SEC16B: variants seen among roughly 807,000 people sequenced by gnomAD.
The protein encoded by SEC16B is SEC16 homolog B, endoplasmic reticulum export factor, also known as protein transport protein Sec16B.
SEC16B carries 115 observed loss-of-function variants against 141.8 expected under a neutral mutation model. That is an observed-to-expected ratio of 0.81 (90% confidence interval 0.70 to 0.95). The LOEUF is 0.95. Among genes scored for constraint, SEC16B ranks in the 40% least tolerant of loss-of-function variants. The probability of loss-of-function intolerance (pLI) is 0.00; values close to 1 mark genes in which losing one functional copy is unlikely to be tolerated. For missense variants in SEC16B, 1,291 were observed against 1,312.3 expected (o/e 0.98, Z 0.25); for synonymous variants, 493 against 492.5 (o/e 1.00, Z -0.01).
At chr1:177,972,409 G>A (rs1056392277), upstream of SEC16B, among the ~76,000 whole-genome samples, 13 of 152,274 alleles carry the variant, frequency 8.5e-5, no homozygotes, top group South Asian at 2.1e-3. Context: ...GACCCAGTTT[G>A]ACAATACATT....
chr1:177,930,145 G>A (rs1480220199), intron 25 of SEC16B, among the ~76,000 whole-genome samples: 1 of 152,158 alleles, frequency 6.6e-6, no homozygotes, highest in African/African-American at 2.4e-5. Flanking sequence ...GACATTAGCA[G>A]AGCTAAGTCT....
chr1:177,945,815 T>C (rs752645437), intron 14 of SEC16B: 2 of 155,270 alleles, frequency 1.3e-5, no homozygotes, highest in African/African-American at 2.4e-5. Context: ...GATAGAGAGA[T>C]ACAGAACAGG....
upstream of SEC16B, among the ~76,000 whole-genome samples, chr1:177,971,074 T>C (rs10798588): frequency 0.13 from 18,870 of 144,636 alleles, 1,577 homozygotes; most frequent in East Asian, 0.42. Context: ...TGACTGTAGC[T>C]AATGGTTTCT....
intron 19 of SEC16B, among the ~76,000 whole-genome samples, chr1:177,936,992 A>G (rs1293878507): frequency 6.6e-6 from 1 of 152,120 alleles, no homozygotes; most frequent in Non-Finnish European, 1.5e-5. Flanking sequence ...CAGTGGAGAG[A>G]TGGACTGGGC....
At position 177,969,926 on chromosome 1, in the gene SEC16B, G is replaced by A. The variant is rs548408783; in HGVS notation, c.-101C>T. ...CACCTTCCTTCAGCGCTGCTCCAGG[G>A]ACCTGGCCCAAGAGTGCCTCCTCTC... On this transcript the variant is annotated 5_prime_UTR_variant, in exon 1 of 26. Coordinates refer to ENST00000308284, the MANE Select transcript of SEC16B (RefSeq NM_033127.4). The A allele has an allele frequency of 6.6e-6, 1 of 152,348 alleles. No homozygotes were observed. Among genetic ancestry groups the A allele is most frequent in the African/African-American group, 2.4e-5 (1 of 41,532 alleles). 9.4% of individuals were successfully genotyped at this position (152,348 alleles called of 1,614,324 possible).
rs1175243817 is a variant in SEC16B, at chr1:177,929,370, A to C, written c.*488T>G. Reference sequence around the variant, plus strand: ...AAATTATAAAGGGCAGCAATAATCAAGTTTCAGTATAAAAACTTTGCTAAA... The same window carrying C: ...AAATTATAAAGGGCAGCAATAATCACGTTTCAGTATAAAAACTTTGCTAAA... On this transcript the variant is annotated 3_prime_UTR_variant, in exon 26 of 26. Coordinates refer to ENST00000308284, the MANE Select transcript of SEC16B (RefSeq NM_033127.4). 6.4e-6 allele frequency: 1 copy of C among 155,884 alleles called. No individual in the cohort carries two copies. The highest frequency in any genetic ancestry group is 1.4e-5 in the Non-Finnish European group (1 of 69,958). 9.7% of individuals were successfully genotyped at this position (155,884 alleles called of 1,614,324 possible).
upstream of SEC16B, among the ~76,000 whole-genome samples, chr1:177,974,802 C>A (rs904761662): frequency 2.6e-5 from 4 of 152,140 alleles, no homozygotes; most frequent in Non-Finnish European, 5.9e-5. Flanking sequence ...GTGGACTAGA[C>A]AAGAGAGGGT....
Position 177,929,849 on chromosome 1 carries a change from T to C in SEC16B, c.*9A>G. ...TCCTGGGAGATGAGCCTGGGACGTG[T>C]GTTTATTCTCAGCATGGCTGGGTGG... is the stretch of plus-strand genomic sequence containing the variant. On this transcript the variant is annotated 3_prime_UTR_variant, in exon 26 of 26. Coordinates refer to ENST00000308284, the MANE Select transcript of SEC16B (RefSeq NM_033127.4). The C allele has an allele frequency of 6.2e-7, 1 of 1,613,682 alleles. No individual in the cohort carries two copies.
At position 177,932,492 on chromosome 1, in the gene SEC16B, C is replaced by G. The variant is rs1650502897; in HGVS notation, c.3010G>C (p.Glu1004Gln). ...TCCAGCCCAGGGGGGCCGCTTACCT[C>G]TGGTCCAGACAAGCCTCCAACCCCA... The part of the protein sequence containing the change: ...GAGVGGLSGP[E>Q]SVSFELCSNP... Residue 1004 changes from glutamate (E) to glutamine (Q), a missense_variant and splice_region_variant, in exon 24 of 26, where the codon GAG (glutamate) becomes CAG (glutamine). Coordinates refer to ENST00000308284, the MANE Select transcript of SEC16B (RefSeq NM_033127.4). 1 of 1,541,036 alleles carries G rather than the reference C, an allele frequency of 6.5e-7. No individual in the cohort carries two copies. Among genetic ancestry groups the G allele is most frequent in the East Asian group, 2.5e-5 (1 of 40,810 alleles).
chr1:177,936,029 G>A (rs1209588015), intron 20 of SEC16B, among the ~76,000 whole-genome samples: 2 of 152,242 alleles, frequency 1.3e-5, no homozygotes, highest in Non-Finnish European at 2.9e-5. Context: ...GATGTCAGAG[G>A]TAACAGAGAT....
At chr1:177,976,499 G>A (rs933756077) in intron 1 of SEC16B, among the ~76,000 whole-genome samples, 2 of 152,162 alleles carry the variant, frequency 1.3e-5, no homozygotes, top group African/African-American at 2.4e-5. Flanking sequence ...ACAACTTGGT[G>A]GTCCTGGAAT....
rs1324289122 is a variant in SEC16B, at chr1:177,929,665, T to C, written c.*193A>G. 1.3e-5 allele frequency: 8 copies of C among 602,106 alleles called. No homozygotes were observed. Among genetic ancestry groups the C allele is most frequent in the African/African-American group, 3.7e-5 (2 of 53,742 alleles). 37.3% of individuals were successfully genotyped at this position (602,106 alleles called of 1,614,324 possible). A position where few individuals can be genotyped will look rare whatever the true frequency, so the allele number is the denominator to read the frequency against. On this transcript the variant is annotated 3_prime_UTR_variant, in exon 26 of 26. Coordinates refer to ENST00000308284, the MANE Select transcript of SEC16B (RefSeq NM_033127.4). ...GAAATAATTTCCATCATTGTGAAGC[T>C]AATCTTAAGAGACTGAATTGTGCTG...
intron 11 of SEC16B, among the ~76,000 whole-genome samples, chr1:177,953,536 A>T (rs1429412473): frequency 6.6e-6 from 1 of 152,132 alleles, no homozygotes; most frequent in East Asian, 1.9e-4. Flanking sequence ...AGCCTGAAGG[A>T]CTTATTCAGA....
At chr1:177,952,104 T>C in intron 11 of SEC16B, 109 bp from the exon 12 acceptor site, 1 of 890,904 alleles carries the variant, frequency 1.1e-6, no homozygotes, top group African/African-American at 1.7e-5. Context: ...GCAGCTTCCT[T>C]AGGAACATGA....
chr1:177,948,081 A>T (rs1651872704), intron 12 of SEC16B, 139 bp from the exon 13 acceptor site: 2 of 765,926 alleles, frequency 2.6e-6, no homozygotes, highest in Admixed American at 2.4e-5. Context: ...CCATTCATTG[A>T]TTTAGAGCTC....
In SEC16B at chr1:177,949,948, CA is replaced by C. The variant is rs10700670; in HGVS notation, c.1545+1965del. Among the ~76,000 whole-genome samples the C allele has an allele frequency of 1.2e-3, 176 of 148,682 alleles. No individual in the cohort carries two copies. In the East Asian group the frequency reaches 0.017, roughly 14 times the overall value. Reference sequence around the variant, plus strand: ...GGAAATTAAGCTAACTCTACTATTACAAAAAAAAAAAATGAACCATAGCTAA... The same window carrying C: ...GGAAATTAAGCTAACTCTACTATTACAAAAAAAAAAATGAACCATAGCTAA... On this transcript the variant is annotated intron_variant, in intron 12 of 25. Coordinates refer to ENST00000308284, the MANE Select transcript of SEC16B (RefSeq NM_033127.4).
intron 19 of SEC16B, 121 bp downstream of exon 19, chr1:177,937,093 C>T (rs954715696): frequency 1.9e-6 from 2 of 1,070,824 alleles, no homozygotes; most frequent in African/African-American, 3.2e-5. Flanking sequence ...CACATCCACG[C>T]ATCTGTGTCT....
chr1:177,960,058 G>A (rs1021170614), intron 8 of SEC16B: 5 of 409,460 alleles, frequency 1.2e-5, no homozygotes, highest in Middle Eastern at 6.6e-4. Context: ...TCAAGCACAC[G>A]GAATGCTAAA....
At position 177,965,956 on chromosome 1, in the gene SEC16B, C is replaced by G. The variant is rs1243122540; in HGVS notation, c.349G>C (p.Glu117Gln). 1 of 1,598,902 alleles carries G rather than the reference C, an allele frequency of 6.3e-7. No homozygotes were observed. The highest frequency in any genetic ancestry group is 1.3e-5 in the African/African-American group (1 of 74,928). ...YQSYQSPTMR[E>Q]EYAYGSYYYH... ...TAATAACTTCCATAAGCATATTCCT[C>G]CCTCATTGTGGGAGACTGATAGCTC... The change falls in exon 3 of 26, where the codon GAG (glutamate) becomes CAG (glutamine). Residue 117 changes from glutamate to glutamine, a missense_variant. Transcript: ENST00000308284.
Sources: gnomAD v4.1 joint callset for allele counts (sites outside exome capture counted in the v4.1 genomes callset) on GRCh38, gnomAD v4.1.1 for gene constraint, MANE v1.5 for transcripts, NCBI Gene and HGNC (gene_info 2026-07-23, HGNC 2026-07-21) for gene names.